Variants in AAMDC observed in about 807,000 individuals in gnomAD.
AAMDC encodes adipogenesis associated Mth938 domain containing.
A neutral mutation model predicts 15.5 loss-of-function variants in AAMDC; 16 were observed. The ratio of observed to expected loss-of-function variants is 1.03; its 90% CI spans 0.70 to 1.57. The LOEUF (loss-of-function observed/expected upper bound fraction) is 1.57. AAMDC is among the 40% of genes most tolerant of loss of function. The pLI is 0.00. For synonymous variants in AAMDC, 51 were observed against 51.6 expected, an observed-to-expected ratio of 0.99 and a Z score of 0.05; for missense variants, 141 against 144.9, an observed-to-expected ratio of 0.97 and a Z score of 0.14.
At chr11:77,847,213 T>C (rs1950182742) in intron 2 of AAMDC, among the ~76,000 whole-genome samples, 1 of 152,208 alleles carries the variant, frequency 6.6e-6, no homozygotes, top group South Asian at 2.1e-4. Flanking sequence ...TCAATATCAG[T>C]TCACCATTTT....
intron 2 of AAMDC, among the ~76,000 whole-genome samples, chr11:77,855,975 T>G (rs995403775): frequency 2.0e-5 from 3 of 151,988 alleles, no homozygotes; most frequent in Non-Finnish European, 2.9e-5. Flanking sequence ...CAAATTTCAC[T>G]GTGTGTGGTG....
At chr11:77,850,231 G>T (rs1950316970) in intron 2 of AAMDC, among the ~76,000 whole-genome samples, 1 of 152,142 alleles carries the variant, frequency 6.6e-6, no homozygotes, top group Non-Finnish European at 1.5e-5. Context: ...AAAATGTAAG[G>T]TCTTCAAGCA....
At chr11:77,874,896 G>C (rs1466779874), downstream of AAMDC, among the ~76,000 whole-genome samples, 5 of 152,136 alleles carry the variant, frequency 3.3e-5, no homozygotes, top group Non-Finnish European at 7.4e-5. Flanking sequence ...AATTAGCCAG[G>C]CGTGGTGGCA....
At chr11:77,840,079 A>G (rs761750575) in intron 1 of AAMDC, among the ~76,000 whole-genome samples, 1 of 135,026 alleles carries the variant, frequency 7.4e-6, no homozygotes, top group Non-Finnish European at 1.6e-5. Flanking sequence ...ATATTAGAGT[A>G]TGGAGAGGGG....
intron 1 of AAMDC, among the ~76,000 whole-genome samples, chr11:77,831,734 C>T (rs1938996756): frequency 6.7e-6 from 1 of 148,556 alleles, no homozygotes; most frequent in South Asian, 2.1e-4. Flanking sequence ...CTCACTCTGT[C>T]ACCCAGGCTG....
intron 5 of AAMDC, among the ~76,000 whole-genome samples, chr11:77,891,000 C>T (rs572153833): frequency 1.3e-5 from 2 of 152,292 alleles, no homozygotes; most frequent in South Asian, 2.1e-4. Context: ...CAAATCTTAA[C>T]GTCACATTAC....
At chr11:77,851,826 A>T (rs1210128683) in intron 2 of AAMDC, among the ~76,000 whole-genome samples, 1 of 152,044 alleles carries the variant, frequency 6.6e-6, no homozygotes, top group Non-Finnish European at 1.5e-5. Flanking sequence ...GAAGCAATTA[A>T]ACCTCTTTTG....
chr11:77,872,404 T>C (rs1951474424), downstream of AAMDC: 4 of 1,466,692 alleles, frequency 2.7e-6, no homozygotes, highest in East Asian at 2.4e-5. Context: ...CTAAACATTT[T>C]TGGACACCTA....
intron 2 of AAMDC, among the ~76,000 whole-genome samples, chr11:77,846,157 G>C (rs938220998): frequency 2.0e-5 from 3 of 152,032 alleles, no homozygotes; most frequent in African/African-American, 7.3e-5. Flanking sequence ...TTTGTTTGTG[G>C]CTTCTGAGGT....
chr11:77,866,761 C>T (rs1261886825), intron 2 of AAMDC: 1 of 152,004 alleles, frequency 6.6e-6, no homozygotes, highest in East Asian at 1.9e-4. Flanking sequence ...AATAAAACTG[C>T]ACATGTAAAT....
In AAMDC at chr11:77,864,443, A is replaced by C. The variant is rs544278316; in HGVS notation, c.133-5279A>C. The stretch of plus-strand genomic sequence containing the variant: ...CAACAGAGTGAGATGCCATCTCAAA[A>C]AATAAAAAATAAAAAAAAGAACATA... On this transcript the variant is annotated intron_variant, in intron 2 of 3. Transcript: ENST00000393427. Among the ~76,000 whole-genome samples, 4 of 152,170 alleles carry C rather than the reference A, an allele frequency of 2.6e-5. No individual in the cohort carries two copies. In the East Asian group the frequency reaches 7.8e-4, roughly 30 times the overall value.
At chr11:77,899,208 T>G (rs1390466055) in intron 5 of AAMDC, among the ~76,000 whole-genome samples, 2 of 152,074 alleles carry the variant, frequency 1.3e-5, no homozygotes, top group Non-Finnish European at 2.9e-5. Context: ...AGTCAAGATG[T>G]GAACCCAAGC....
chr11:77,831,478 C>G (rs545007305), intron 1 of AAMDC, among the ~76,000 whole-genome samples: 7 of 152,262 alleles, frequency 4.6e-5, no homozygotes, highest in African/African-American at 1.4e-4. Context: ...TCTTTGGCTA[C>G]TCCTTGAAAT....
chr11:77,878,476 T>C (rs1033281070), intron 5 of AAMDC, among the ~76,000 whole-genome samples: 2 of 151,944 alleles, frequency 1.3e-5, no homozygotes, highest in African/African-American at 4.8e-5. Context: ...GGTTAACACA[T>C]GTTTAAGGTC....
downstream of AAMDC, chr11:77,903,748 T>A: frequency 1.5e-6 from 1 of 671,324 alleles, no homozygotes; most frequent in East Asian, 2.7e-5. Flanking sequence ...ATCTTATTCT[T>A]TTAACCCAAT....
downstream of AAMDC, among the ~76,000 whole-genome samples, chr11:77,876,284 G>A (rs1951592469): frequency 6.6e-6 from 1 of 152,090 alleles, no homozygotes; most frequent in African/African-American, 2.4e-5. Context: ...CAGAGGCCTG[G>A]GTTCCAGGCT....
chr11:77,862,096 CCTT>C (rs1950904966), intron 2 of AAMDC, among the ~76,000 whole-genome samples: 1 of 152,110 alleles, frequency 6.6e-6, no homozygotes, highest in Admixed American at 6.5e-5. Flanking sequence ...TTTCCTTAGT[CCTT>C]CTAGCACGCA....
intron 5 of AAMDC, among the ~76,000 whole-genome samples, chr11:77,900,111 T>TTA (rs1952712688): frequency 1.3e-5 from 2 of 152,024 alleles, no homozygotes; most frequent in East Asian, 1.9e-4. Context: ...TTTTTTTTTT[T>TTA]TATATAAAGA....
At position 77,872,282 on chromosome 11, in the gene AAMDC, C is replaced by G; in HGVS notation, c.336C>G (p.Val112=). The part of the protein sequence containing the change: ...KEYNALVAQG[V]RVGGVFHSTC ...ATAATGCCTTGGTTGCCCAAGGGGT[C>G]AGGGTGGGAGGTGTCTTCCATTCCA... The change falls in exon 4 of 4, where the codon GTC becomes GTG. Residue 112 remains valine (V), a synonymous_variant. Coordinates refer to ENST00000393427, the MANE Select transcript of AAMDC (RefSeq NM_024684.4). 1 of 1,613,412 alleles carries G rather than the reference C, an allele frequency of 6.2e-7. No individual in the cohort carries two copies. The highest frequency in any genetic ancestry group is 8.5e-7 in the Non-Finnish European group (1 of 1,179,714).
Sources: gnomAD v4.1 joint callset for allele counts (sites outside exome capture counted in the v4.1 genomes callset) on GRCh38, gnomAD v4.1.1 for gene constraint, MANE v1.5 for transcripts, NCBI Gene and HGNC (gene_info 2026-07-23, HGNC 2026-07-21) for gene names.